The following RIOK2 variants were observed in gnomAD, a reference collection of about 807,000 sequenced individuals.
RIOK2 encodes the protein RIO kinase 2.
A neutral mutation model predicts 62.4 loss-of-function variants in RIOK2; 46 were observed. That is an observed-to-expected ratio of 0.74 (90% CI 0.58 to 0.94). The LOEUF is 0.94. RIOK2 is among the 40% of genes least tolerant of loss of function. RIOK2 has a pLI of 0.00. For missense variants in RIOK2, 574 were observed against 658.0 expected, an observed-to-expected ratio of 0.87 and a Z score of 1.40; for synonymous variants, 197 against 216.0, an observed-to-expected ratio of 0.91 and a Z score of 0.77.
chr5:97,165,907 G>A (rs1748832302), intron 8 of RIOK2, among the ~76,000 whole-genome samples: 3 of 152,332 alleles, frequency 2.0e-5, no homozygotes, highest in South Asian at 4.1e-4. Context: ...CTTTGAGGGC[G>A]TTTCTGAATC....
Position 97,163,186 on chromosome 5 carries a change from G to C in RIOK2, c.1534C>G (p.Gln512Glu). ...CGACGTCTGACAGCTGATTTTTGCT[G>C]TTTTGTCAACTGACGTTTCACCTTC... ...KQKVKRQLTK[Q>E]QKSAVRRRLQ... Residue 512 changes from glutamine to glutamate, a missense_variant, in exon 10 of 10, where the codon CAG becomes GAG. Transcript: ENST00000283109. 3.1e-6 allele frequency: 5 copies of C among 1,613,538 alleles called. No homozygotes were observed. The highest frequency in any genetic ancestry group is 3.4e-6 in the Non-Finnish European group (4 of 1,179,828).
At position 97,180,016 on chromosome 5, in the gene RIOK2, A is replaced by AATATATATAAT. The variant is rs1749319435; in HGVS notation, c.67-824_67-823insATTATATATAT. Among the ~76,000 whole-genome samples, 242 of 44,092 alleles carry AATATATATAAT rather than the reference A, an allele frequency of 5.5e-3. 23 individuals carry two copies. The highest frequency in any genetic ancestry group is 0.019 in the African/African-American group (239 of 12,430). 28.9% of individuals were successfully genotyped at this position (44,092 alleles called of 152,430 possible). A position where few individuals can be genotyped will look rare whatever the true frequency, so the allele number is the denominator to read the frequency against. On this transcript the variant is annotated intron_variant, in intron 1 of 9. Transcript: ENST00000283109. ...AAATATATATATATTATATATATAT[A>AATATATATAAT]ATATATATATAATATATATATTATA...
chr5:97,168,151 G>C (rs1748899191), intron 7 of RIOK2, among the ~76,000 whole-genome samples, 160 bp from the exon 8 acceptor site: 1 of 152,040 alleles, frequency 6.6e-6, no homozygotes, highest in South Asian at 2.1e-4. Context: ...AAATGACACA[G>C]GTAAACAAAT....
At chr5:97,179,980 AT>A (rs56190322) in intron 1 of RIOK2, among the ~76,000 whole-genome samples, 1 of 49,766 alleles carries the variant, frequency 2.0e-5, no homozygotes, top group Admixed American at 2.9e-4. Flanking sequence ...TATATATAAT[AT>A]ATATATATAA....
intron 1 of RIOK2, among the ~76,000 whole-genome samples, chr5:97,180,012 AT>A (rs1373770405): frequency 5.7e-5 from 4 of 70,170 alleles, no homozygotes; most frequent in African/African-American, 2.1e-4. Flanking sequence ...TATTATATAT[AT>A]ATAATATATA....
At chr5:97,163,317 GAATTTTAAGATTCCAAACACTGAC>G in intron 9 of RIOK2, 92 bp from the exon 10 acceptor site, 1 of 1,042,260 alleles carries the variant, frequency 9.6e-7, no homozygotes. Context: ...TTGACACCAT[GAATTTTAAGATTCCAAACACTGAC>G]AGTACTATAT....
chr5:97,168,038 T>C (rs376935256), intron 7 of RIOK2, 47 bp from the exon 8 acceptor site: 2 of 1,513,328 alleles, frequency 1.3e-6, no homozygotes, highest in Non-Finnish European at 1.8e-6. Flanking sequence ...AAAATGTTTA[T>C]CTAAGAGGAG....
intron 6 of RIOK2, among the ~76,000 whole-genome samples, chr5:97,170,872 G>A (rs1261519862): frequency 6.6e-6 from 1 of 151,958 alleles, no homozygotes; most frequent in Non-Finnish European, 1.5e-5. Flanking sequence ...AGCATGTAAG[G>A]GCCGGGCGCA....
Position 97,175,544 on chromosome 5 carries a change from T to C in RIOK2, c.498+1572A>G, listed in dbSNP as rs919361175. ...CTACCCTTTTGGGAAAATGTGTAAA[T>C]GATCCCTACCAAGCTGCTCATTTAC... On this transcript the variant is annotated intron_variant, in intron 4 of 9. Coordinates refer to ENST00000283109, the MANE Select transcript of RIOK2 (RefSeq NM_018343.3). Among the ~76,000 whole-genome samples, 8 of 152,228 alleles carry C rather than the reference T, an allele frequency of 5.3e-5. No homozygotes were observed. In the East Asian group the frequency reaches 1.5e-3, roughly 29 times the overall value.
At chr5:97,173,349 C>CA (rs1423967207) in intron 4 of RIOK2, 86 bp from the exon 5 acceptor site, 3,049 of 767,306 alleles carry the variant, frequency 4.0e-3, no homozygotes, top group East Asian at 4.6e-3. Context: ...TTTCTACAAC[C>CA]AGAAAAAAAA....
chr5:97,181,117 C>A (rs1749395604), intron 1 of RIOK2, among the ~76,000 whole-genome samples: 1 of 151,648 alleles, frequency 6.6e-6, no homozygotes, highest in Non-Finnish European at 1.5e-5. Context: ...ACTAAAAATA[C>A]AAAAATTAGC....
intron 1 of RIOK2, 63 bp from the exon 2 acceptor site, chr5:97,179,256 G>A: frequency 6.6e-7 from 1 of 1,519,268 alleles, no homozygotes; most frequent in Non-Finnish European, 8.9e-7. Flanking sequence ...TCAAAACCCT[G>A]CGAAATTAAC....
At chr5:97,165,220 T>G in intron 8 of RIOK2, 73 bp from the exon 9 acceptor site, 1 of 742,506 alleles carries the variant, frequency 1.3e-6, no homozygotes, top group Non-Finnish European at 1.9e-6. Context: ...TTAATTTATA[T>G]TATTTTTTGC....
Position 97,167,825 on chromosome 5 carries a change from C to T in RIOK2, c.1039G>A (p.Val347Ile). Reference protein sequence around the residue: ...SDGEVAEKAEVYGSENESERN... With the variant: ...SDGEVAEKAEIYGSENESERN... The stretch of plus-strand genomic sequence containing the variant: ...TCACTTTCATTTTCTGACCCGTAAA[C>T]CTCTGCTTTTTCTGCCACTTCTCCA... Residue 347 changes from valine (V) to isoleucine (I), a missense_variant, in exon 8 of 10, where the codon GTT becomes ATT. Physicochemically the swap from Val to Ile is conservative, Grantham distance 29. Coordinates refer to ENST00000283109, the MANE Select transcript of RIOK2 (RefSeq NM_018343.3). 6.2e-7 allele frequency: 1 copy of T among 1,614,128 alleles called. No individual in the cohort carries two copies. Among genetic ancestry groups the T allele is most frequent in the Non-Finnish European group, 8.5e-7 (1 of 1,180,002 alleles).
intron 4 of RIOK2, among the ~76,000 whole-genome samples, chr5:97,176,816 C>T (rs964797215): frequency 2.6e-5 from 4 of 152,202 alleles, no homozygotes; most frequent in South Asian, 2.1e-4. Context: ...TATACATCCA[C>T]ACATACATAT....
intron 9 of RIOK2, among the ~76,000 whole-genome samples, chr5:97,164,536 A>C (rs1472900139): frequency 6.6e-6 from 1 of 151,880 alleles, no homozygotes; most frequent in Non-Finnish European, 1.5e-5. Context: ...AACAAAAACA[A>C]AAACAAACAA....
intron 2 of RIOK2, chr5:97,178,772 T>C (rs975622765): frequency 7.1e-6 from 3 of 420,596 alleles, no homozygotes; most frequent in African/African-American, 6.2e-5. Flanking sequence ...TCTTCTGCAG[T>C]ACTCTACATG....
intron 7 of RIOK2, 34 bp downstream of exon 7, chr5:97,168,726 T>G (rs761277342): frequency 2.5e-6 from 3 of 1,223,740 alleles, no homozygotes; most frequent in Non-Finnish European, 3.4e-6. Context: ...ATATTTAAAC[T>G]GTTCTATTAT....
chr5:97,171,537 G>C (rs1325671605), intron 5 of RIOK2, 140 bp from the exon 6 acceptor site: 11 of 454,996 alleles, frequency 2.4e-5, no homozygotes, highest in Admixed American at 1.7e-4. Flanking sequence ...TCAGCACACA[G>C]ATATAATATC....
Sources: allele counts gnomAD v4.1 joint callset (sites outside exome capture counted in the v4.1 genomes callset), GRCh38; gene constraint gnomAD v4.1.1; transcripts MANE v1.5; gene names NCBI Gene and HGNC (gene_info 2026-07-23, HGNC 2026-07-21).